Variants in PSMD5 observed in about 807,000 individuals in gnomAD.
PSMD5 encodes 26S proteasome non-ATPase regulatory subunit 5.
A neutral mutation model predicts 52.1 loss-of-function variants in PSMD5; 40 were observed. The observed-to-expected ratio is 0.77, with a 90% CI of 0.60 to 1.00. The LOEUF (loss-of-function observed/expected upper bound fraction) is 1.00, where lower values mean the gene tolerates loss of function less well. Among genes scored for constraint, PSMD5 ranks in the 50% least tolerant of loss-of-function variants. The probability of loss-of-function intolerance (pLI) is 0.00; values close to 1 mark genes in which losing one functional copy is unlikely to be tolerated. For synonymous variants in PSMD5, 211 were observed against 226.6 expected (o/e 0.93, Z 0.62); for missense variants, 575 against 605.2 (o/e 0.95, Z 0.52).
At chr9:120,831,795 C>G in intron 3 of PSMD5, 37 bp downstream of exon 3, 1 of 1,593,722 alleles carries the variant, frequency 6.3e-7, no homozygotes. Flanking sequence ...ACACCGATGT[C>G]TCTGCACATT....
chr9:120,841,018 T>C (rs1265810331), intron 1 of PSMD5, among the ~76,000 whole-genome samples: 2 of 151,752 alleles, frequency 1.3e-5, no homozygotes, highest in Admixed American at 6.6e-5. Flanking sequence ...TCCCAAAGTG[T>C]TGGGAATACA....
At chr9:120,824,395 T>C (rs778883387) in intron 7 of PSMD5, 99 bp downstream of exon 7, 1 of 1,159,414 alleles carries the variant, frequency 8.6e-7, no homozygotes, top group Non-Finnish European at 1.3e-6. Flanking sequence ...ACCCATAAAA[T>C]AGTTTCTACA....
chr9:120,835,937 C>G (rs1032270630), intron 1 of PSMD5, among the ~76,000 whole-genome samples: 1 of 152,118 alleles, frequency 6.6e-6, no homozygotes, highest in African/African-American at 2.4e-5. Context: ...GTCCAGCCAT[C>G]ACCATCGTCC....
In PSMD5 at chr9:120,830,326, C is replaced by A. The variant is rs148305773; in HGVS notation, c.561+1005G>T. Reference sequence around the variant, plus strand: ...GTGGCCTAGAATATACCCAAGGGGCCAAGAGTGAGTAAGCAGTTGAGCATG... The same window carrying A: ...GTGGCCTAGAATATACCCAAGGGGCAAAGAGTGAGTAAGCAGTTGAGCATG... On this transcript the variant is annotated intron_variant, in intron 4 of 9. Coordinates refer to ENST00000210313, the MANE Select transcript of PSMD5 (RefSeq NM_005047.4). Among the ~76,000 whole-genome samples, 809 of 152,138 alleles carry A rather than the reference C, an allele frequency of 5.3e-3. 4 individuals carry two copies. Among genetic ancestry groups the A allele is most frequent in the Non-Finnish European group, 9.2e-3 (625 of 67,996 alleles).
rs2045247850 is a variant in PSMD5 at position 120,842,585 on chromosome 9, C to G, written c.173+152G>C. The G allele has an allele frequency of 3.0e-5, 29 of 958,660 alleles. 1 individual carries two copies. The East Asian group carries it at 7.7e-4, about 25-fold the overall frequency. The allele number at this position is 958,660 out of a possible 1,614,324, so 59.4% of individuals were successfully genotyped here. On this transcript the variant is annotated intron_variant, in intron 1 of 9. Coordinates refer to ENST00000210313, the MANE Select transcript of PSMD5 (RefSeq NM_005047.4). ...GCTGAACCTGAACCCCATCTCCTGC[C>G]TCTGAACCCAGGATCCTTCCTTCTC...
In PSMD5 at chr9:120,817,895, T is replaced by C. The variant is rs948543649; in HGVS notation, c.*11A>G. The stretch of plus-strand genomic sequence containing the variant: ...TCAAAACGTGGTCCTCTACATGAGC[T>C]CTAGAAGAAATCATTCGGCTCCTTC... On this transcript the variant is annotated 3_prime_UTR_variant, in exon 10 of 10. Coordinates refer to ENST00000210313, the MANE Select transcript of PSMD5 (RefSeq NM_005047.4). 1.3e-5 allele frequency: 21 copies of C among 1,609,436 alleles called. No homozygotes were observed. Among genetic ancestry groups the C allele is most frequent in the Non-Finnish European group, 1.6e-5 (19 of 1,176,582 alleles).
In PSMD5 at chr9:120,817,778, A is replaced by G. The variant is rs1415170217; in HGVS notation, c.*128T>C. 9.1e-7 allele frequency: 1 copy of G among 1,102,264 alleles called. No individual in the cohort carries two copies. Among genetic ancestry groups the G allele is most frequent in the African/African-American group, 1.6e-5 (1 of 63,890 alleles). 68.3% of individuals were successfully genotyped at this position (1,102,264 alleles called of 1,614,324 possible). A position where few individuals can be genotyped will look rare whatever the true frequency, so the allele number is the denominator to read the frequency against. On this transcript the variant is annotated 3_prime_UTR_variant, in exon 10 of 10. Coordinates refer to ENST00000210313, the MANE Select transcript of PSMD5 (RefSeq NM_005047.4). ...AGAAATATAACAGTGTTGGTAACAA[A>G]GTAACATCTGACATTCCATGATAAT...
At chr9:120,836,380 C>A (rs573663872) in intron 1 of PSMD5, among the ~76,000 whole-genome samples, 123 of 150,414 alleles carry the variant, frequency 8.2e-4, no homozygotes, top group Non-Finnish European at 1.5e-3. Context: ...TTTCTACGTG[C>A]ATATTTATCA....
chr9:120,835,711 A>G (rs2045193442), intron 1 of PSMD5, among the ~76,000 whole-genome samples: 1 of 151,942 alleles, frequency 6.6e-6, no homozygotes, highest in Admixed American at 6.6e-5. Context: ...CCTAGGCGAC[A>G]AGAACGAAAC....
At chr9:120,833,916 T>C (rs2045179687) in intron 1 of PSMD5, among the ~76,000 whole-genome samples, 1 of 150,778 alleles carries the variant, frequency 6.6e-6, no homozygotes, top group African/African-American at 2.4e-5. Flanking sequence ...CCTCAGGTGA[T>C]CCACCTGCCT....
intron 7 of PSMD5, 172 bp downstream of exon 7, chr9:120,824,322 G>T: frequency 9.4e-6 from 6 of 639,606 alleles, no homozygotes; most frequent in Non-Finnish European, 1.1e-5. Context: ...AAAAAAAAAG[G>T]TTTTCCGTAA....
chr9:120,831,796 T>G, intron 3 of PSMD5, 36 bp downstream of exon 3: 2 of 1,594,900 alleles, frequency 1.3e-6, no homozygotes, highest in Non-Finnish European at 1.7e-6. Flanking sequence ...CACCGATGTC[T>G]CTGCACATTT....
At chr9:120,835,752 T>C (rs34339834) in intron 1 of PSMD5, among the ~76,000 whole-genome samples, 18,281 of 150,684 alleles carry the variant, frequency 0.12, 1,268 homozygotes, top group Middle Eastern at 0.17. Context: ...TAAAATAAAA[T>C]AAAGTAGATT....
chr9:120,829,234 A>G (rs2045144155), intron 4 of PSMD5, 26 bp from the exon 5 acceptor site: 1 of 1,561,494 alleles, frequency 6.4e-7, no homozygotes, highest in Non-Finnish European at 8.6e-7. Flanking sequence ...AAACACAGAA[A>G]AAAGAAAAAG....
At chr9:120,836,339 A>T (rs1422043889) in intron 1 of PSMD5, among the ~76,000 whole-genome samples, 1 of 151,042 alleles carries the variant, frequency 6.6e-6, no homozygotes. Flanking sequence ...TGTAATTTTA[A>T]TTTGTATTTC....
intron 4 of PSMD5, among the ~76,000 whole-genome samples, chr9:120,831,062 G>A (rs551593479): frequency 1.3e-5 from 2 of 152,010 alleles, no homozygotes; most frequent in Non-Finnish European, 2.9e-5. Flanking sequence ...TTTTAAAATC[G>A]TTGTAGAGAT....
intron 2 of PSMD5, among the ~76,000 whole-genome samples, chr9:120,832,393 CTTT>C (rs35785525): frequency 7.9e-6 from 1 of 126,902 alleles, no homozygotes; most frequent in Non-Finnish European, 1.7e-5. Flanking sequence ...TTCCCCCAAC[CTTT>C]TTTTTTTTTT....
At chr9:120,819,459 T>C (rs1014010248) in intron 9 of PSMD5, among the ~76,000 whole-genome samples, 5 of 152,022 alleles carry the variant, frequency 3.3e-5, no homozygotes, top group Non-Finnish European at 5.9e-5. Flanking sequence ...AAAACCAAAA[T>C]AAACTAATAA....
chr9:120,836,589 G>T (rs370743610), intron 1 of PSMD5, among the ~76,000 whole-genome samples: 102 of 151,902 alleles, frequency 6.7e-4, no homozygotes, highest in African/African-American at 2.3e-3. Context: ...TAGAGATGGG[G>T]TTTCACCAGG....
Sources: gnomAD v4.1 joint callset for allele counts (sites outside exome capture counted in the v4.1 genomes callset) on GRCh38, gnomAD v4.1.1 for gene constraint, MANE v1.5 for transcripts, NCBI Gene and HGNC (gene_info 2026-07-23, HGNC 2026-07-21) for gene names.